The following TSHZ2 variants were observed in gnomAD, a reference collection of about 807,000 sequenced individuals.
TSHZ2 encodes teashirt homolog 2.
A neutral mutation model predicts 74.4 loss-of-function variants in TSHZ2; 21 were observed. The observed-to-expected ratio is 0.28, with a 90% confidence interval of 0.20 to 0.41. TSHZ2 has a LOEUF of 0.41. Among genes scored for constraint, TSHZ2 ranks in the 10% least tolerant of loss-of-function variants. The pLI is 1.00. For synonymous variants in TSHZ2, 540 were observed against 515.3 expected, an observed-to-expected ratio of 1.05 and a Z score of -0.65; for missense variants, 1,244 against 1,293.5, an observed-to-expected ratio of 0.96 and a Z score of 0.59.
intron 1 of TSHZ2, among the ~76,000 whole-genome samples, chr20:53,078,232 A>G (rs575531431): frequency 2.1e-4 from 32 of 152,334 alleles, no homozygotes; most frequent in African/African-American, 7.0e-4. Flanking sequence ...AGAGTTTTGC[A>G]CTTAGGGGGA....
chr20:53,363,220 A>G (rs756495729), intron 2 of TSHZ2, among the ~76,000 whole-genome samples: 2 of 152,164 alleles, frequency 1.3e-5, no homozygotes, highest in Non-Finnish European at 2.9e-5. Flanking sequence ...GCCTTTTCCT[A>G]TCTTGCTATA....
intron 1 of TSHZ2, among the ~76,000 whole-genome samples, chr20:53,079,917 A>G (rs1356122032): frequency 6.6e-6 from 1 of 151,794 alleles, no homozygotes; most frequent in Non-Finnish European, 1.5e-5. Context: ...TGAAGCCGTG[A>G]TTCTGATTGG....
chr20:53,313,240 T>C (rs912570890), intron 2 of TSHZ2, among the ~76,000 whole-genome samples: 1 of 152,238 alleles, frequency 6.6e-6, no homozygotes, highest in Non-Finnish European at 1.5e-5. Flanking sequence ...TGTAAATGCA[T>C]TTTCCACATA....
intron 1 of TSHZ2, among the ~76,000 whole-genome samples, chr20:53,113,097 C>G (rs1986577417): frequency 6.6e-6 from 1 of 152,234 alleles, no homozygotes; most frequent in African/African-American, 2.4e-5. Flanking sequence ...CAGATTCCCT[C>G]TTTGCCATGG....
intron 1 of TSHZ2, among the ~76,000 whole-genome samples, chr20:53,225,919 A>G (rs1359638546): frequency 6.6e-6 from 1 of 152,228 alleles, no homozygotes; most frequent in Admixed American, 6.5e-5. Flanking sequence ...AAAATAAGTG[A>G]AAAATTCTAC....
chr20:53,317,618 C>T (rs1389091465), intron 2 of TSHZ2, among the ~76,000 whole-genome samples: 1 of 152,146 alleles, frequency 6.6e-6, no homozygotes, highest in African/African-American at 2.4e-5. Context: ...GCCTCGAGTC[C>T]AGCAGCACGT....
chr20:53,372,222 T>A lies in TSHZ2; in HGVS notation c.*9-114922T>A, dbSNP rs555463866. ...CCGAGTGCAGTGGCTCATGCCGTAA[T>A]CCTAGCACTTTGGGAAGTCAAGGCA... On this transcript the variant is annotated intron_variant, in intron 2 of 2. Coordinates refer to ENST00000371497, the MANE Select transcript of TSHZ2 (RefSeq NM_173485.6). Among the ~76,000 whole-genome samples, 20 of 152,270 alleles carry A rather than the reference T, an allele frequency of 1.3e-4. No individual in the cohort carries two copies. The Middle Eastern group carries it at 0.01, about 78-fold the overall frequency.
At chr20:53,122,288 C>CA (rs1314517744) in intron 1 of TSHZ2, among the ~76,000 whole-genome samples, 3,123 of 65,596 alleles carry the variant, frequency 0.048, 102 homozygotes, top group African/African-American at 0.14. Flanking sequence ...ACCCCATCTA[C>CA]AAAAAAAAAA....
chr20:53,095,235 T>C (rs1394341322), intron 1 of TSHZ2, among the ~76,000 whole-genome samples: 1 of 152,240 alleles, frequency 6.6e-6, no homozygotes, highest in East Asian at 1.9e-4. Flanking sequence ...GCAGTCTCTC[T>C]CCTCGTGGTA....
Position 53,490,142 on chromosome 20 carries a change from CT to C in TSHZ2, c.*3008del, listed in dbSNP as rs1568940213. ...CCTTCCAGCTAAGACCACCAACCAG[CT>C]GCAAATTGAGATGTCCATTTAAAAA... On this transcript the variant is annotated 3_prime_UTR_variant, in exon 3 of 3. Transcript: ENST00000371497. The C allele has an allele frequency of 6.6e-6, 1 of 152,202 alleles. No homozygotes were observed. The highest frequency in any genetic ancestry group is 1.9e-4 in the East Asian group (1 of 5,204). The allele number at this position is 152,202 out of a possible 1,614,324, so 9.4% of individuals were successfully genotyped here.
chr20:53,146,047 T>C (rs1038874278), intron 1 of TSHZ2, among the ~76,000 whole-genome samples: 12 of 152,124 alleles, frequency 7.9e-5, no homozygotes, highest in African/African-American at 2.7e-4. Context: ...AATATATTGG[T>C]CTAGGCAAGA....
chr20:53,170,299 C>A (rs1988167815), intron 1 of TSHZ2, among the ~76,000 whole-genome samples: 1 of 152,234 alleles, frequency 6.6e-6, no homozygotes, highest in Non-Finnish European at 1.5e-5. Flanking sequence ...GGCTAAGAAG[C>A]CGTAGACTGC....
At chr20:53,358,763 A>C (rs1980945243) in intron 2 of TSHZ2, among the ~76,000 whole-genome samples, 1 of 152,214 alleles carries the variant, frequency 6.6e-6, no homozygotes, top group Non-Finnish European at 1.5e-5. Context: ...TGTAGAAACC[A>C]TTCATCCGTT....
rs1015450012 is a variant in TSHZ2, at chr20:53,187,001, C to T, written c.41-66498C>T. 4.6e-4 allele frequency among the ~76,000 whole-genome samples: 70 copies of T among 152,124 alleles called. 1 individual carries two copies. The highest frequency in any genetic ancestry group is 1.7e-3 in the African/African-American group (69 of 41,466). On this transcript the variant is annotated intron_variant, in intron 1 of 2. Transcript: ENST00000371497. ...CCATTTTTCATGGAGCCTGGTAGTTCGAGGAGCCCCTTTCTTTGTGTGTAT... is the reference window on the plus strand; with the variant it reads ...CCATTTTTCATGGAGCCTGGTAGTTTGAGGAGCCCCTTTCTTTGTGTGTAT...
chr20:53,095,867 AG>A (rs1480716893), intron 1 of TSHZ2, among the ~76,000 whole-genome samples: 5 of 152,152 alleles, frequency 3.3e-5, no homozygotes, highest in Non-Finnish European at 5.9e-5. Flanking sequence ...TGGGGAGCAG[AG>A]GATTATCACC....
At chr20:53,396,217 G>A (rs1481774268) in intron 2 of TSHZ2, among the ~76,000 whole-genome samples, 4 of 152,176 alleles carry the variant, frequency 2.6e-5, no homozygotes, top group African/African-American at 4.8e-5. Context: ...GATTACAGGC[G>A]TGAGCCACTG....
chr20:53,477,844 G>A (rs1208916480), intron 2 of TSHZ2, among the ~76,000 whole-genome samples: 2 of 150,234 alleles, frequency 1.3e-5, no homozygotes, highest in African/African-American at 4.9e-5. Flanking sequence ...ATCAAAAAGT[G>A]GGCGAAGGAC....
intron 1 of TSHZ2, among the ~76,000 whole-genome samples, chr20:53,084,139 T>C (rs778378888): frequency 3.9e-5 from 6 of 152,134 alleles, no homozygotes; most frequent in Non-Finnish European, 8.8e-5. Context: ...CCAGGAAAAG[T>C]AAAGAACGAC....
intron 1 of TSHZ2, among the ~76,000 whole-genome samples, chr20:53,163,413 CAGT>C (rs1987991564): frequency 7.8e-6 from 1 of 127,756 alleles, no homozygotes; most frequent in African/African-American, 2.9e-5. Flanking sequence ...TTTGGTGCCA[CAGT>C]AGCTCAAGAA....
Sources: allele counts gnomAD v4.1 joint callset (sites outside exome capture counted in the v4.1 genomes callset), GRCh38; gene constraint gnomAD v4.1.1; transcripts MANE v1.5; gene names NCBI Gene and HGNC (gene_info 2026-07-23, HGNC 2026-07-21).